MTUS2: variants seen among roughly 807,000 people sequenced by gnomAD.
MTUS2 encodes the protein microtubule-associated tumor suppressor candidate 2.
In MTUS2, 40 loss-of-function variants were observed where a neutral mutation model predicts 114.1. The ratio of observed to expected loss-of-function variants is 0.35; its 90% confidence interval spans 0.27 to 0.46. The LOEUF (loss-of-function observed/expected upper bound fraction) is 0.46, where lower values mean the gene tolerates loss of function less well. Ranked by LOEUF, MTUS2 falls within the 20% of genes least tolerant of loss-of-function variation. The pLI is 1.00. For missense variants in MTUS2, 1,679 were observed against 1,705.4 expected, an observed-to-expected ratio of 0.98 and a Z score of 0.27; for synonymous variants, 688 against 672.0, an observed-to-expected ratio of 1.02 and a Z score of -0.37.
At chr13:29,227,513 T>C (rs966344354) in intron 5 of MTUS2, among the ~76,000 whole-genome samples, 1 of 152,202 alleles carries the variant, frequency 6.6e-6, no homozygotes, top group African/African-American at 2.4e-5. Flanking sequence ...AGCCAAGAAT[T>C]AAATCAAGGC....
chr13:29,058,277 T>G (rs1042769837), intron 4 of MTUS2, among the ~76,000 whole-genome samples: 1 of 151,514 alleles, frequency 6.6e-6, no homozygotes, highest in Non-Finnish European at 1.5e-5. Flanking sequence ...TCTTGTATAG[T>G]GTCTTACGAG....
chr13:29,443,553 G>A (rs959382996), intron 9 of MTUS2, among the ~76,000 whole-genome samples: 3 of 152,240 alleles, frequency 2.0e-5, no homozygotes, highest in South Asian at 2.1e-4. Flanking sequence ...CAGCACCACC[G>A]CCTGGTTCCT....
intron 6 of MTUS2, among the ~76,000 whole-genome samples, chr13:29,298,125 C>A (rs1899030736): frequency 6.6e-6 from 1 of 152,300 alleles, no homozygotes; most frequent in South Asian, 2.1e-4. Context: ...TAGGAAAATA[C>A]TTGCAGCTGC....
At chr13:29,488,724 C>T (rs868752668) in intron 11 of MTUS2, among the ~76,000 whole-genome samples, 8 of 152,280 alleles carry the variant, frequency 5.3e-5, no homozygotes, top group Middle Eastern at 3.4e-3. Flanking sequence ...CTGGTTGGAT[C>T]GGGGTATCCA....
chr13:29,219,020 G>C (rs1389121955), intron 5 of MTUS2, among the ~76,000 whole-genome samples: 1 of 143,192 alleles, frequency 7.0e-6, no homozygotes, highest in African/African-American at 2.6e-5. Flanking sequence ...TGTGCACATT[G>C]TGCAGGTTAG....
chr13:29,217,782 A>G (rs1026691676), intron 5 of MTUS2, among the ~76,000 whole-genome samples: 16 of 152,154 alleles, frequency 1.1e-4, no homozygotes, highest in Non-Finnish European at 1.8e-4. Flanking sequence ...TGCTATATCA[A>G]CCAAGTTTAT....
At chr13:29,407,379 A>C (rs1045347448) in intron 8 of MTUS2, among the ~76,000 whole-genome samples, 11 of 152,184 alleles carry the variant, frequency 7.2e-5, no homozygotes, top group African/African-American at 2.7e-4. Context: ...ACGTGGAATT[A>C]CTGATTCAAA....
intron 4 of MTUS2, among the ~76,000 whole-genome samples, chr13:29,080,779 G>A (rs1409170343): frequency 6.6e-6 from 1 of 152,114 alleles, no homozygotes; most frequent in East Asian, 1.9e-4. Flanking sequence ...TGGCTAGAAT[G>A]CAATGTCACA....
At chr13:29,195,171 C>T (rs1381654778) in intron 5 of MTUS2, among the ~76,000 whole-genome samples, 1 of 151,192 alleles carries the variant, frequency 6.6e-6, no homozygotes, top group Non-Finnish European at 1.5e-5. Context: ...TGCAGCACAC[C>T]AGCATGGCAC....
intron 2 of MTUS2, among the ~76,000 whole-genome samples, chr13:28,939,336 C>T (rs913481588): frequency 2.6e-5 from 4 of 152,040 alleles, no homozygotes; most frequent in Admixed American, 2.0e-4. Flanking sequence ...AGACTAGGGG[C>T]ATTTTTAACT....
chr13:29,495,386 T>C (rs1423534036), intron 12 of MTUS2, among the ~76,000 whole-genome samples: 1 of 121,102 alleles, frequency 8.3e-6, no homozygotes, highest in Non-Finnish European at 1.7e-5. Flanking sequence ...AAAAAGGAAG[T>C]AACTGGAAAA....
At chr13:29,311,656 A>T (rs1852894681) in intron 6 of MTUS2, among the ~76,000 whole-genome samples, 1 of 152,224 alleles carries the variant, frequency 6.6e-6, no homozygotes, top group Non-Finnish European at 1.5e-5. Flanking sequence ...TCCTAGCCAG[A>T]TAACTTAGTT....
chr13:29,477,149 G>T (rs906638498), intron 9 of MTUS2, among the ~76,000 whole-genome samples: 1 of 152,176 alleles, frequency 6.6e-6, no homozygotes, highest in Non-Finnish European at 1.5e-5. Flanking sequence ...GTTTTTGTCT[G>T]TAGGGTGACT....
intron 2 of MTUS2, among the ~76,000 whole-genome samples, chr13:29,013,662 A>G (rs542380571): frequency 6.6e-6 from 1 of 152,348 alleles, no homozygotes; most frequent in Middle Eastern, 3.4e-3. Flanking sequence ...GTTAAAGGGG[A>G]CATGTAACTC....
At chr13:29,331,026 C>T (rs1251512722) in intron 7 of MTUS2, among the ~76,000 whole-genome samples, 2 of 152,056 alleles carry the variant, frequency 1.3e-5, no homozygotes, top group African/African-American at 2.4e-5. Flanking sequence ...TTACTTTGGG[C>T]AGTATGGCCA....
intron 2 of MTUS2, among the ~76,000 whole-genome samples, chr13:28,954,591 G>A (rs1385926425): frequency 6.6e-6 from 1 of 152,176 alleles, no homozygotes; most frequent in Non-Finnish European, 1.5e-5. Flanking sequence ...GAGATTCTGA[G>A]GAGGAAGGTG....
intron 8 of MTUS2, among the ~76,000 whole-genome samples, chr13:29,389,493 GTATA>G (rs147624315): frequency 4.3e-4 from 27 of 62,554 alleles, no homozygotes; most frequent in South Asian, 1.1e-3. Flanking sequence ...GTGTGTATGT[GTATA>G]TATGTATACA....
At chr13:29,304,513 A>G (rs1899349975) in intron 6 of MTUS2, among the ~76,000 whole-genome samples, 1 of 152,206 alleles carries the variant, frequency 6.6e-6, no homozygotes, top group African/African-American at 2.4e-5. Context: ...AAAACAGACT[A>G]TAAACCAACA....
intron 5 of MTUS2, among the ~76,000 whole-genome samples, chr13:29,105,708 A>T (rs1183683743): frequency 6.7e-6 from 1 of 150,238 alleles, no homozygotes; most frequent in Non-Finnish European, 1.5e-5. Context: ...GTAGGGATAC[A>T]GCTGGGGAGG....
Sources: allele counts gnomAD v4.1 joint callset (sites outside exome capture counted in the v4.1 genomes callset), GRCh38; gene constraint gnomAD v4.1.1; transcripts MANE v1.5; gene names NCBI Gene and HGNC (gene_info 2026-07-23, HGNC 2026-07-21).